The following TMEM94 variants were observed in gnomAD, a reference collection of about 807,000 sequenced individuals.
TMEM94 encodes the protein transmembrane protein 94, also known as ER Mg2+ ATPase.
A neutral mutation model predicts 158.6 loss-of-function variants in TMEM94; 81 were observed. The ratio of observed to expected loss-of-function variants is 0.51; its 90% CI spans 0.43 to 0.61. The LOEUF (loss-of-function observed/expected upper bound fraction) is 0.61. TMEM94 is among the 20% of genes least tolerant of loss of function. The pLI is 0.00. For synonymous variants in TMEM94, 751 were observed against 730.7 expected, an observed-to-expected ratio of 1.03 and a Z score of -0.45; for missense variants, 1,435 against 1,762.0, an observed-to-expected ratio of 0.81 and a Z score of 3.32.
In TMEM94 at chr17:75,496,419, C is replaced by T. The variant is rs1230034811; in HGVS notation, c.3191C>T (p.Ser1064Phe). 3 of 1,613,814 alleles carry T rather than the reference C, an allele frequency of 1.9e-6. No homozygotes were observed. The highest frequency in any genetic ancestry group is 2.5e-6 in the Non-Finnish European group (3 of 1,180,016). ...GGGCAGCTCAACAGCCTGCCCTGTT[C>T]CCTGACCTTTCGCCAGGAGGAGACC... ...LSGQLNSLPC[S>F]LTFRQEETIS... The change falls in exon 24 of 32, where the codon TCC becomes TTC. Residue 1064 changes from serine to phenylalanine, a missense_variant. Physicochemically the swap from Ser to Phe is radical, Grantham distance 155. Transcript: ENST00000314256.
In TMEM94 at chr17:75,498,512, C is replaced by T. The variant is rs374715331; in HGVS notation, c.3707C>T (p.Thr1236Met). The part of the protein sequence containing the change: ...ANGLLSAQKL[T>M]AALIVLHTVF... ...GGACTGCTGTCGGCTCAGAAGCTCACGGCCGCCCTGATTGTCCTGCACACT... is the reference window on the plus strand; with the variant it reads ...GGACTGCTGTCGGCTCAGAAGCTCATGGCCGCCCTGATTGTCCTGCACACT... The change falls in exon 29 of 32, where the codon ACG becomes ATG. Residue 1236 changes from threonine to methionine, a missense_variant. Transcript: ENST00000314256. This position sits in a 1 kb window ranked among gnomAD's most constrained non-coding sequence, Gnocchi z 6.7. The T allele has an allele frequency of 1.1e-5, 17 of 1,602,780 alleles. No individual in the cohort carries two copies. The highest frequency in any genetic ancestry group is 4.5e-5 in the South Asian group (4 of 89,152).
chr17:75,461,342 C>T (rs1295817884), intron 1 of TMEM94, among the ~76,000 whole-genome samples: 2 of 151,232 alleles, frequency 1.3e-5, no homozygotes, highest in East Asian at 2.0e-4. Context: ...CCAGATGATC[C>T]GCCTGCTTCG....
chr17:75,478,788 C>T (rs74759667), intron 2 of TMEM94, among the ~76,000 whole-genome samples: 1,657 of 152,248 alleles, frequency 0.011, 11 homozygotes, highest in Non-Finnish European at 0.019. Flanking sequence ...GAAAAGCATC[C>T]GTGTAATTTG....
At chr17:75,466,116 ATGTTTT>A (rs2050300863) in intron 1 of TMEM94, among the ~76,000 whole-genome samples, 1 of 151,944 alleles carries the variant, frequency 6.6e-6, no homozygotes, top group South Asian at 2.1e-4. Flanking sequence ...TATGTTTTTT[ATGTTTT>A]AAGAAATCTT....
At chr17:75,479,382 C>T (rs922836941) in intron 2 of TMEM94, among the ~76,000 whole-genome samples, 1 of 152,070 alleles carries the variant, frequency 6.6e-6, no homozygotes, top group African/African-American at 2.4e-5. Flanking sequence ...TACAGTGGCG[C>T]AATCTCGGCT....
chr17:75,458,191 T>C (rs7221562), intron 1 of TMEM94, among the ~76,000 whole-genome samples: 7,641 of 152,068 alleles, frequency 0.05, 658 homozygotes, highest in African/African-American at 0.17. Flanking sequence ...ATTAGAGATG[T>C]TATTAACAGG....
In TMEM94 at chr17:75,489,646, C is replaced by A. The variant is rs1361638209; in HGVS notation, c.938C>A (p.Thr313Asn). The change falls in exon 9 of 32, where the codon ACC (threonine) becomes AAC (asparagine). Residue 313 changes from threonine (T) to asparagine (N), a missense_variant. By Grantham distance (65) the Thr-to-Asn change is moderately conservative. Coordinates refer to ENST00000314256, the MANE Select transcript of TMEM94 (RefSeq NM_014738.6). The surrounding 1 kb of genome is among the most constrained non-coding windows in gnomAD (Gnocchi z 5.0). ...CCGGGGGTCACTTCCTGGCAGTACA[C>A]CCTCCTCCAGCTCCAGGCAAGGACC... ...SAPGVTSWQY[T>N]LLQLQVNGVL... 3 of 1,613,728 alleles carry A rather than the reference C, an allele frequency of 1.9e-6. No homozygotes were observed. The highest frequency in any genetic ancestry group is 1.6e-4 in the Middle Eastern group (1 of 6,062).
At position 75,498,234 on chromosome 17, in the gene TMEM94, C is replaced by G; in HGVS notation, c.3549C>G (p.Cys1183Trp). The G allele has an allele frequency of 6.2e-7, 1 of 1,613,934 alleles. No individual in the cohort carries two copies. Among genetic ancestry groups the G allele is most frequent in the Non-Finnish European group, 8.5e-7 (1 of 1,180,022 alleles). ...AGTTCAGCCTCACCATCAGCTCCTG[C>G]CTCATCTGCTTTGGCTTCACACTGC... ...LLKFSLTISS[C>W]LICFGFTLQS... is the part of the protein sequence containing the mutation. Residue 1183 changes from cysteine to tryptophan, a missense_variant, in exon 28 of 32, where the codon TGC becomes TGG. Transcript: ENST00000314256. This position sits in a 1 kb window ranked among gnomAD's most constrained non-coding sequence, Gnocchi z 6.7.
chr17:75,462,648 C>T (rs2050116964), intron 1 of TMEM94, among the ~76,000 whole-genome samples: 1 of 150,568 alleles, frequency 6.6e-6, no homozygotes, highest in South Asian at 2.1e-4. Flanking sequence ...TCGAGACCAG[C>T]CTGGTCAACA....
In TMEM94 at chr17:75,487,634, C is replaced by A. The variant is rs1191243104; in HGVS notation, c.410-298C>A. Among the ~76,000 whole-genome samples, 1 of 152,238 alleles carries A rather than the reference C, an allele frequency of 6.6e-6. No homozygotes were observed. Among genetic ancestry groups the A allele is most frequent in the Non-Finnish European group, 1.5e-5 (1 of 68,042 alleles). On this transcript the variant is annotated intron_variant, in intron 5 of 31. Transcript: ENST00000314256. The surrounding 1 kb of genome is among the most constrained non-coding windows in gnomAD (Gnocchi z 4.6). ...GAGCTATGTTGTTGTCTCCACCTTG[C>A]ACCCCTCACAGGCCCTCTGCAATGT...
intron 6 of TMEM94, among the ~76,000 whole-genome samples, 179 bp from the exon 7 acceptor site, chr17:75,488,579 GC>G (rs1227779147): frequency 6.6e-6 from 1 of 152,158 alleles, no homozygotes; most frequent in Non-Finnish European, 1.5e-5. Flanking sequence ...ACCACGCCTG[GC>G]CCCCTGTGCT....
chr17:75,491,101 C>T lies in TMEM94; in HGVS notation c.1181C>T (p.Ser394Leu), dbSNP rs202071041. 9 of 1,613,502 alleles carry T rather than the reference C, an allele frequency of 5.6e-6. No individual in the cohort carries two copies. Among genetic ancestry groups the T allele is most frequent in the East Asian group, 4.5e-5 (2 of 44,868 alleles). Residue 394 changes from serine (S) to leucine (L), a missense_variant, in exon 12 of 32, where the codon TCG becomes TTG. Ser to Leu is a moderately radical substitution (Grantham distance 145). Coordinates refer to ENST00000314256, the MANE Select transcript of TMEM94 (RefSeq NM_014738.6). This position sits in a 1 kb window ranked among gnomAD's most constrained non-coding sequence, Gnocchi z 5.1. ...GHFLRVLGGT[S>L]PTLSHSSSLL... ...TTCCTGAGGGTGCTCGGGGGGACAT[C>T]GCCAACGCTGAGCCACAGTTCCAGC...
At chr17:75,480,380 G>T (rs914186020) in intron 2 of TMEM94, among the ~76,000 whole-genome samples, 1 of 152,258 alleles carries the variant, frequency 6.6e-6, no homozygotes, top group African/African-American at 2.4e-5. Context: ...GACATAACAA[G>T]CGGGGGCAGA....
chr17:75,462,857 T>G (rs2050123649), intron 1 of TMEM94, among the ~76,000 whole-genome samples: 1 of 146,206 alleles, frequency 6.8e-6, no homozygotes. Context: ...CATGGTGGCA[T>G]GTGTCTGTGG....
chr17:75,486,570 T>C (rs2051631975), intron 5 of TMEM94, 144 bp downstream of exon 5: 1 of 1,022,604 alleles, frequency 9.8e-7, no homozygotes, highest in African/African-American at 1.6e-5. Context: ...GTTAGAAGGA[T>C]GCCCACTCTC....
chr17:75,482,566 ATG>A (rs1183586705), intron 2 of TMEM94, among the ~76,000 whole-genome samples: 7 of 142,432 alleles, frequency 4.9e-5, no homozygotes, highest in Non-Finnish European at 1.1e-4. Context: ...GTATGTATGT[ATG>A]TATAACCTGG....
Position 75,495,211 on chromosome 17 carries a change from A to C in TMEM94, c.2729-73A>C. On this transcript the variant is annotated intron_variant, in intron 20 of 31. Coordinates refer to ENST00000314256, the MANE Select transcript of TMEM94 (RefSeq NM_014738.6). This position sits in a 1 kb window ranked among gnomAD's most constrained non-coding sequence, Gnocchi z 5.6. ...CAGGAAGGAGTGGACACAGGCAAAA[A>C]ATTCTCTGCAGGGCAAGGACAGGTT... is the stretch of plus-strand genomic sequence containing the variant. 2 of 1,423,838 alleles carry C rather than the reference A, an allele frequency of 1.4e-6. No homozygotes were observed. The highest frequency in any genetic ancestry group is 1.9e-6 in the Non-Finnish European group (2 of 1,044,334). 88.2% of individuals were successfully genotyped at this position (1,423,838 alleles called of 1,614,324 possible). A position where few individuals can be genotyped will look rare whatever the true frequency, so the allele number is the denominator to read the frequency against.
intron 2 of TMEM94, among the ~76,000 whole-genome samples, chr17:75,478,609 G>A (rs1244187408): frequency 6.6e-6 from 1 of 152,130 alleles, no homozygotes; most frequent in Non-Finnish European, 1.5e-5. Context: ...AAATCCCCAC[G>A]CCCTGCCAGC....
At position 75,487,022 on chromosome 17, in the gene TMEM94, T is replaced by A. The variant is rs1444902349; in HGVS notation, c.409+596T>A. Reference sequence around the variant, plus strand: ...CTGTGGGAGAAGCAGCACCCACTCATGAGACCTTTCTCCAACAGACCTGGG... The same window carrying A: ...CTGTGGGAGAAGCAGCACCCACTCAAGAGACCTTTCTCCAACAGACCTGGG... On this transcript the variant is annotated intron_variant, in intron 5 of 31. Coordinates refer to ENST00000314256, the MANE Select transcript of TMEM94 (RefSeq NM_014738.6). This position sits in a 1 kb window ranked among gnomAD's most constrained non-coding sequence, Gnocchi z 4.6. Among the ~76,000 whole-genome samples, 1 of 152,170 alleles carries A rather than the reference T, an allele frequency of 6.6e-6. No homozygotes were observed. The highest frequency in any genetic ancestry group is 1.5e-5 in the Non-Finnish European group (1 of 68,008).
Sources: gnomAD v4.1 joint callset for allele counts (sites outside exome capture counted in the v4.1 genomes callset) on GRCh38, gnomAD v4.1.1 for gene constraint, Gnocchi (gnomAD v3.1) non-coding constraint, MANE v1.5 for transcripts, NCBI Gene and HGNC (gene_info 2026-07-23, HGNC 2026-07-21) for gene names.